Variants in DPP6 observed in about 807,000 individuals in gnomAD.
DPP6 encodes dipeptidyl peptidase like 6.
In DPP6, 69 loss-of-function variants were observed where a neutral mutation model predicts 122.6. The ratio of observed to expected loss-of-function variants is 0.56; its 90% CI spans 0.46 to 0.69. The LOEUF is 0.69. Ranked by LOEUF, DPP6 falls within the 30% of genes least tolerant of loss-of-function variation. The pLI is 0.00. For missense variants in DPP6, 928 were observed against 1,116.9 expected (o/e 0.83, Z 2.41); for synonymous variants, 418 against 433.1 (o/e 0.97, Z 0.43).
At chr7:154,742,271 A>G (rs1278447383) in intron 8 of DPP6, among the ~76,000 whole-genome samples, 5 of 152,214 alleles carry the variant, frequency 3.3e-5, no homozygotes, top group South Asian at 2.1e-4. Context: ...GCCCTCTACC[A>G]GGTCCTCCAA....
At chr7:153,886,657 C>T (rs1435511977), upstream of DPP6, among the ~76,000 whole-genome samples, 1 of 152,208 alleles carries the variant, frequency 6.6e-6, no homozygotes, top group South Asian at 2.1e-4. Flanking sequence ...AGGTCCTCTG[C>T]GCCCTGGAAT....
At chr7:154,702,889 C>A (rs963738312) in intron 7 of DPP6, among the ~76,000 whole-genome samples, 1 of 152,162 alleles carries the variant, frequency 6.6e-6, no homozygotes, top group African/African-American at 2.4e-5. Flanking sequence ...ACTTTCATAG[C>A]TAGAGAGGAA....
At chr7:154,060,404 C>T (rs372498511) in intron 1 of DPP6, among the ~76,000 whole-genome samples, 2 of 122,008 alleles carry the variant, frequency 1.6e-5, no homozygotes, top group Non-Finnish European at 3.5e-5. Context: ...GGACCCCCAT[C>T]GCAGAGGGGG....
At position 154,493,085 on chromosome 7, in the gene DPP6, A is replaced by G. The variant is rs559081154; in HGVS notation, c.457+18048A>G. On this transcript the variant is annotated intron_variant, in intron 3 of 25. Transcript: ENST00000377770. ...TAGGACTAATGAAAGCAGCCTGGAA[A>G]TGAGTGCACAGTTTGATATGGGACC... Among the ~76,000 whole-genome samples, 119 of 152,286 alleles carry G rather than the reference A, an allele frequency of 7.8e-4. 2 individuals carry two copies. The South Asian group carries it at 0.02, about 26-fold the overall frequency.
chr7:154,460,154 G>A (rs1400231781), intron 2 of DPP6, among the ~76,000 whole-genome samples: 1 of 151,658 alleles, frequency 6.6e-6, no homozygotes, highest in Non-Finnish European at 1.5e-5. Flanking sequence ...GCTAACTTTT[G>A]TATTTTTAAT....
In DPP6 at chr7:154,403,668, G is replaced by C. The variant is rs1031959874; in HGVS notation, c.244-42546G>C. ...TTTGGGGCACGTGAAGAGTGGGCCA[G>C]AGTGCCAGGGAGGCAGCAATCTGCA... On this transcript the variant is annotated intron_variant, in intron 1 of 25. Transcript: ENST00000377770. This position sits in a 1 kb window ranked among gnomAD's most constrained non-coding sequence, Gnocchi z 4.1. Among the ~76,000 whole-genome samples, 3 of 152,240 alleles carry C rather than the reference G, an allele frequency of 2.0e-5. No homozygotes were observed. Among genetic ancestry groups the C allele is most frequent in the Admixed American group, 2.0e-4 (3 of 15,286 alleles).
chr7:154,276,729 C>T (rs1220050321), intron 1 of DPP6, among the ~76,000 whole-genome samples: 1 of 152,212 alleles, frequency 6.6e-6, no homozygotes, highest in East Asian at 1.9e-4. Context: ...TGAGCTGTTG[C>T]TCCTAGTGGA....
chr7:153,829,532 C>T, the DPP6 span, among the ~76,000 whole-genome samples: 7 of 152,066 alleles, frequency 4.6e-5, no homozygotes, highest in African/African-American at 1.4e-4. Flanking sequence ...TCTTTTTTGT[C>T]TCTCTCCTTC....
chr7:153,942,140 G>A (rs1275123626), intron 1 of DPP6, among the ~76,000 whole-genome samples: 7 of 152,162 alleles, frequency 4.6e-5, no homozygotes, highest in Admixed American at 3.9e-4. Context: ...TGCATGTTTC[G>A]ATTAAAAAGA....
the DPP6 span, among the ~76,000 whole-genome samples, chr7:153,797,179 A>C: frequency 6.6e-6 from 1 of 152,180 alleles, no homozygotes; most frequent in South Asian, 2.1e-4. Context: ...ACAGGCTTTC[A>C]AGAGACTCTG....
At chr7:153,791,240 C>T in the DPP6 span, among the ~76,000 whole-genome samples, 1 of 152,056 alleles carries the variant, frequency 6.6e-6, no homozygotes, top group Non-Finnish European at 1.5e-5. Context: ...TATTAGTGTT[C>T]CACCTGAGAG....
chr7:153,859,774 G>A, the DPP6 span, among the ~76,000 whole-genome samples: 1 of 152,198 alleles, frequency 6.6e-6, no homozygotes, highest in African/African-American at 2.4e-5. Flanking sequence ...TATGATCATG[G>A]CAGAAGGCAC....
chr7:154,740,298 C>CTT (rs11286104), intron 8 of DPP6, among the ~76,000 whole-genome samples: 5 of 143,554 alleles, frequency 3.5e-5, no homozygotes, highest in African/African-American at 7.6e-5. Flanking sequence ...ACTCTAATTT[C>CTT]TTTTTTTTTT....
chr7:154,025,304 G>A (rs1177936676), intron 1 of DPP6, among the ~76,000 whole-genome samples: 1 of 134,478 alleles, frequency 7.4e-6, no homozygotes, highest in East Asian at 2.1e-4. Flanking sequence ...AAGAGGAGAA[G>A]GGAGATGAAG....
intron 1 of DPP6, among the ~76,000 whole-genome samples, chr7:154,356,021 T>G (rs1563536233): frequency 6.6e-6 from 1 of 152,210 alleles, no homozygotes; most frequent in Non-Finnish European, 1.5e-5. Context: ...AACCTCATTT[T>G]AATGTTTTCT....
At chr7:154,063,022 GA>G (rs1474594934) in intron 1 of DPP6, among the ~76,000 whole-genome samples, 1 of 134,318 alleles carries the variant, frequency 7.4e-6, no homozygotes, top group East Asian at 2.2e-4. Flanking sequence ...TGGCTCTGAG[GA>G]ACCCCATCAC....
intron 1 of DPP6, among the ~76,000 whole-genome samples, chr7:154,060,739 GCA>G (rs1563151232): frequency 2.4e-5 from 3 of 123,096 alleles, no homozygotes; most frequent in Non-Finnish European, 5.4e-5. Context: ...CCCCCGCGAG[GCA>G]GGGACTGAGA....
At chr7:154,396,646 T>C (rs1350077894) in intron 1 of DPP6, among the ~76,000 whole-genome samples, 1 of 152,208 alleles carries the variant, frequency 6.6e-6, no homozygotes, top group East Asian at 1.9e-4. Flanking sequence ...CACAGAGTTA[T>C]TACGTGTTAG....
chr7:153,900,014 G>T (rs771383817), intron 1 of DPP6, among the ~76,000 whole-genome samples: 1 of 152,184 alleles, frequency 6.6e-6, no homozygotes, highest in Non-Finnish European at 1.5e-5. Context: ...CCAACATGAT[G>T]TGACGCTGGA....
Sources: allele counts gnomAD v4.1 joint callset (sites outside exome capture counted in the v4.1 genomes callset), GRCh38; gene constraint gnomAD v4.1.1; non-coding constraint Gnocchi (gnomAD v3.1); transcripts MANE v1.5; gene names NCBI Gene and HGNC (gene_info 2026-07-23, HGNC 2026-07-21).